The following SREBF1 variants were observed in gnomAD, a reference collection of about 807,000 sequenced individuals.
The protein encoded by SREBF1 is sterol regulatory element-binding protein 1.
SREBF1 carries 45 observed loss-of-function variants against 100.1 expected under a neutral mutation model. That is an observed-to-expected ratio of 0.45 (90% CI 0.35 to 0.58). The LOEUF (loss-of-function observed/expected upper bound fraction) is 0.58. SREBF1 is among the 20% of genes least tolerant of loss of function. The probability of loss-of-function intolerance (pLI) is 0.00; values close to 1 mark genes in which losing one functional copy is unlikely to be tolerated. For synonymous variants in SREBF1, 657 were observed against 681.8 expected (o/e 0.96, Z 0.57); for missense variants, 1,324 against 1,539.4 (o/e 0.86, Z 2.34).
chr17:17,823,156 G>A (rs1291880788), intron 1 of SREBF1, among the ~76,000 whole-genome samples: 2 of 152,336 alleles, frequency 1.3e-5, no homozygotes, highest in African/African-American at 4.8e-5. Context: ...CAGGGGTGCT[G>A]AATAGGGCAG....
intron 1 of SREBF1, among the ~76,000 whole-genome samples, chr17:17,829,279 C>T (rs866827629): frequency 8.6e-5 from 12 of 140,202 alleles, no homozygotes; most frequent in African/African-American, 2.0e-4. Flanking sequence ...CACACACACA[C>T]ATATATATAT....
intron 5 of SREBF1, chr17:17,818,723 C>T (rs1258299450): frequency 1.8e-6 from 1 of 568,432 alleles, no homozygotes; most frequent in African/African-American, 1.9e-5. Flanking sequence ...ACTTATTCAT[C>T]CTGCCTACTG....
chr17:17,813,045 G>T, intron 18 of SREBF1, 194 bp from the exon 19 acceptor site: 1 of 608,298 alleles, frequency 1.6e-6, no homozygotes, highest in Non-Finnish European at 2.9e-6. Flanking sequence ...TCACGCACGT[G>T]CAGTCATGTA....
rs538526968 is a variant in SREBF1, at chr17:17,835,404, G to C, written c.91+1323C>G. On this transcript the variant is annotated intron_variant, in intron 1 of 18. Transcript: ENST00000261646. Reference sequence around the variant, plus strand: ...TCCTCTGGGGTCCTCCCCTAGCCCAGCCCCAGGGGGAAGGAGGGAGGGCTG... The same window carrying C: ...TCCTCTGGGGTCCTCCCCTAGCCCACCCCCAGGGGGAAGGAGGGAGGGCTG... Among the ~76,000 whole-genome samples, 11 of 152,310 alleles carry C rather than the reference G, an allele frequency of 7.2e-5. 1 individual carries two copies. The highest frequency in any genetic ancestry group is 4.1e-4 in the South Asian group (2 of 4,824).
In SREBF1 at chr17:17,813,678, T is replaced by C. The variant is rs1335852785; in HGVS notation, c.2993A>G (p.Gln998Arg). 3 of 1,546,922 alleles carry C rather than the reference T, an allele frequency of 1.9e-6. No individual in the cohort carries two copies. The highest frequency in any genetic ancestry group is 2.6e-6 in the Non-Finnish European group (3 of 1,152,934). ...AGCCTGGGGCCTGCTGCTGGTGCCC[T>C]GGGCTGCTGGGGCCGGGGCCGGGGG... ...QQPPAPAPAA[Q>R]GTSSRPQASA... is the part of the protein sequence containing the mutation. Residue 998 changes from glutamine (Q) to arginine (R), a missense_variant, in exon 17 of 19, where the codon CAG (glutamine) becomes CGG (arginine). By Grantham distance (43) the Gln-to-Arg change is conservative (BLOSUM62 1). Transcript: ENST00000261646.
chr17:17,813,686 T>C lies in SREBF1; in HGVS notation c.2985A>G (p.Pro995=). Residue 995 remains proline (P), a synonymous_variant, in exon 17 of 19, where the codon CCA becomes CCG. Coordinates refer to ENST00000261646, the MANE Select transcript of SREBF1 (RefSeq NM_004176.5). ...GCCTGCTGCTGGTGCCCTGGGCTGC[T>C]GGGGCCGGGGCCGGGGGCTGCTGCT... ...WRQQQPPAPA[P]AAQGTSSRPQ... The C allele has an allele frequency of 6.5e-7, 1 of 1,543,576 alleles. No homozygotes were observed. The highest frequency in any genetic ancestry group is 1.4e-5 in the African/African-American group (1 of 73,332).
chr17:17,817,371 G>C lies in SREBF1; in HGVS notation c.1491C>G (p.Cys497Trp), dbSNP rs370259694. 4.4e-6 allele frequency: 7 copies of C among 1,607,896 alleles called. No individual in the cohort carries two copies. The highest frequency in any genetic ancestry group is 5.9e-6 in the Non-Finnish European group (7 of 1,178,058). The change falls in exon 8 of 19, where the codon TGC becomes TGG. Residue 497 changes from cysteine (C) to tryptophan (W), a missense_variant. Transcript: ENST00000261646. This position sits in a 1 kb window ranked among gnomAD's most constrained non-coding sequence, Gnocchi z 6.6. ...RLALCTLVFL[C>W]LSCNPLASLL... ...AGGAGGCCAAGGGGTTGCAGGACAG[G>C]CAGAGGAAGACGAGCGTGCACAGGG... is the stretch of plus-strand genomic sequence containing the variant.
intron 15 of SREBF1, 42 bp from the exon 16 acceptor site, chr17:17,814,452 A>T: frequency 6.5e-7 from 1 of 1,547,644 alleles, no homozygotes; most frequent in Non-Finnish European, 8.7e-7. Context: ...AGACCAGTCC[A>T]CAAGCCCTGG....
At chr17:17,823,441 TGCCC>T in intron 1 of SREBF1, 1 of 1,057,656 alleles carries the variant, frequency 9.5e-7, no homozygotes, top group Non-Finnish European at 1.5e-6. Context: ...GTAGCCCGCA[TGCCC>T]GCCCACCCCA....
At chr17:17,816,875 G>T (rs2033648650) in intron 9 of SREBF1, 83 bp downstream of exon 9, 2 of 1,600,594 alleles carry the variant, frequency 1.2e-6, no homozygotes, top group African/African-American at 1.3e-5. Context: ...GTGTGCACAG[G>T]GAGCAGGAAC....
Position 17,814,925 on chromosome 17 carries a change from C to A in SREBF1, c.2512G>T (p.Gly838Trp), listed in dbSNP as rs761768810. Residue 838 changes from glycine to tryptophan, a missense_variant, in exon 14 of 19, where the codon GGG (glycine) becomes TGG (tryptophan). Gly to Trp is a radical substitution (Grantham distance 184, BLOSUM62 -2). Transcript: ENST00000261646. ...CAGCTGTTCAGCAGCTGCAGGTACCCGAGGGCATCCGAGAATTCCCTGTGG... is the reference window on the plus strand; with the variant it reads ...CAGCTGTTCAGCAGCTGCAGGTACCAGAGGGCATCCGAGAATTCCCTGTGG... ...DGDKEFSDALGYLQLLNSCSD... is the reference protein window; with the variant it reads ...DGDKEFSDALWYLQLLNSCSD... 1.9e-6 allele frequency: 3 copies of A among 1,568,486 alleles called. No homozygotes were observed. The East Asian group carries it at 7.0e-5, about 37-fold the overall frequency.
intron 1 of SREBF1, among the ~76,000 whole-genome samples, chr17:17,832,560 C>G (rs925724118): frequency 6.6e-6 from 1 of 152,194 alleles, no homozygotes; most frequent in Non-Finnish European, 1.5e-5. Context: ...AAAGCAGGCT[C>G]GACCTCTGAC....
At chr17:17,815,793 G>A (rs2143012053) in intron 12 of SREBF1, 67 bp downstream of exon 12, 11 of 1,516,150 alleles carry the variant, frequency 7.3e-6, no homozygotes, top group South Asian at 4.7e-5. Context: ...AGATTCAGGC[G>A]ACAAGGGACA....
At position 17,814,739 on chromosome 17, in the gene SREBF1, G is replaced by T. The variant is rs1218071712; in HGVS notation, c.2611C>A (p.Pro871Thr). The change falls in exon 15 of 19, where the codon CCG (proline) becomes ACG (threonine). Residue 871 changes from proline to threonine, a missense_variant. Physicochemically the swap from Pro to Thr is conservative, Grantham distance 38 (BLOSUM62 -1). Transcript: ENST00000261646. The part of the protein sequence containing the change: ...SSMATTTGVD[P>T]VAKWWASLTA... Reference sequence around the variant, plus strand: ...AGAGAGGCCCACCACTTGGCCACCGGGTCTACGCCTGCAGAAGAGGGAGGG... The same window carrying T: ...AGAGAGGCCCACCACTTGGCCACCGTGTCTACGCCTGCAGAAGAGGGAGGG... The T allele has an allele frequency of 6.2e-7, 1 of 1,610,972 alleles. No homozygotes were observed. The highest frequency in any genetic ancestry group is 1.3e-5 in the African/African-American group (1 of 75,012).
chr17:17,815,630 C>T, intron 12 of SREBF1: 1 of 606,566 alleles, frequency 1.6e-6, no homozygotes. Flanking sequence ...TGCCTGGGGT[C>T]ACTTCTCCAA....
At position 17,818,274 on chromosome 17, in the gene SREBF1, G is replaced by C; in HGVS notation, c.1169C>G (p.Ala390Gly). 6.2e-7 allele frequency: 1 copy of C among 1,613,778 alleles called. No homozygotes were observed. The highest frequency in any genetic ancestry group is 2.2e-5 in the East Asian group (1 of 44,894). Reference sequence around the variant, plus strand: ...CCAGGACTCACTGCTTTTGTGGACAGCAGTGCGCAGACTTAGGTTCTCCTG... The same window carrying C: ...CCAGGACTCACTGCTTTTGTGGACACCAGTGCGCAGACTTAGGTTCTCCTG... ...LKQENLSLRT[A>G]VHKSKSLKDL... The change falls in exon 6 of 19, where the codon GCT becomes GGT. Residue 390 changes from alanine (A) to glycine (G), a missense_variant. Transcript: ENST00000261646.
intron 1 of SREBF1, among the ~76,000 whole-genome samples, chr17:17,823,803 G>T (rs1440585829): frequency 1.3e-5 from 2 of 151,052 alleles, no homozygotes; most frequent in African/African-American, 2.4e-5. Flanking sequence ...GCTAGGGCCC[G>T]GCCCCGGCCC....
Position 17,824,309 on chromosome 17 carries a change from G to C in SREBF1, c.92-3788C>G, listed in dbSNP as rs1420230790. 1.3e-5 allele frequency among the ~76,000 whole-genome samples: 2 copies of C among 152,192 alleles called. No individual in the cohort carries two copies. The highest frequency in any genetic ancestry group is 2.4e-5 in the African/African-American group (1 of 41,446). On this transcript the variant is annotated intron_variant, in intron 1 of 18. Transcript: ENST00000261646. The surrounding 1 kb of genome is among the most constrained non-coding windows in gnomAD (Gnocchi z 4.2). ...GGGATGAGGCCACTCCTGAAAACAG[G>C]TCACTTCCGGGAAACTGAGGCCTGG...
chr17:17,826,965 C>T (rs1470414661), intron 1 of SREBF1, among the ~76,000 whole-genome samples: 1 of 152,246 alleles, frequency 6.6e-6, no homozygotes, highest in Non-Finnish European at 1.5e-5. Context: ...AGATCCATCT[C>T]TGACAATATC....
Sources: gnomAD v4.1 joint callset for allele counts (sites outside exome capture counted in the v4.1 genomes callset) on GRCh38, gnomAD v4.1.1 for gene constraint, Gnocchi (gnomAD v3.1) non-coding constraint, MANE v1.5 for transcripts, NCBI Gene and HGNC (gene_info 2026-07-23, HGNC 2026-07-21) for gene names.